FAM177A1: variants seen among roughly 807,000 people sequenced by gnomAD.
FAM177A1 encodes family with sequence similarity 177 member A1.
In FAM177A1, 22 loss-of-function variants were observed where a neutral mutation model predicts 26.1. The ratio of observed to expected loss-of-function variants is 0.84; its 90% CI spans 0.60 to 1.20. The LOEUF is 1.20. FAM177A1 is among the 50% of genes most tolerant of loss of function. The pLI is 0.00. For missense variants in FAM177A1, 296 were observed against 291.1 expected, an observed-to-expected ratio of 1.02 and a Z score of -0.12; for synonymous variants, 95 against 99.3, an observed-to-expected ratio of 0.96 and a Z score of 0.26.
intron 1 of FAM177A1, among the ~76,000 whole-genome samples, chr14:35,052,763 GA>G (rs201117633): frequency 2.0e-5 from 3 of 151,082 alleles, no homozygotes; most frequent in East Asian, 1.9e-4. Flanking sequence ...TGTCCCTATA[GA>G]AAAAAAAATT....
At chr14:35,046,725 C>G in intron 1 of FAM177A1, 97 bp downstream of exon 1, 1 of 1,425,394 alleles carries the variant, frequency 7.0e-7, no homozygotes, top group Non-Finnish European at 9.2e-7. Flanking sequence ...GTCCTCCGAG[C>G]AGGCCGCCCC....
chr14:35,045,425 T>G (rs1005362720), upstream of FAM177A1, among the ~76,000 whole-genome samples: 10 of 152,184 alleles, frequency 6.6e-5, no homozygotes, highest in African/African-American at 2.2e-4. Flanking sequence ...GAAAGGAATA[T>G]TTAATATTTG....
intron 2 of FAM177A1, among the ~76,000 whole-genome samples, chr14:35,065,272 A>G (rs1449678806): frequency 1.3e-5 from 2 of 151,214 alleles, no homozygotes; most frequent in African/African-American, 4.9e-5. Flanking sequence ...CTTGGAGGGA[A>G]ACTTTAAATA....
intron 2 of FAM177A1, among the ~76,000 whole-genome samples, chr14:35,058,307 G>A (rs1308302755): frequency 6.6e-6 from 1 of 151,890 alleles, no homozygotes; most frequent in Admixed American, 6.6e-5. Flanking sequence ...CTCATGATCC[G>A]CCCACCTTGG....
chr14:35,075,244 A>G (rs180855358), intron 2 of FAM177A1, among the ~76,000 whole-genome samples: 236 of 152,296 alleles, frequency 1.5e-3, no homozygotes, highest in African/African-American at 5.4e-3. Flanking sequence ...TGCATTGTGG[A>G]TTGCATTCTG....
In FAM177A1 at chr14:35,081,891, CTACT is replaced by C. The variant is rs2045489668; in HGVS notation, c.*666_*669del. 2 of 152,172 alleles carry C rather than the reference CTACT, an allele frequency of 1.3e-5. No homozygotes were observed. Among genetic ancestry groups the C allele is most frequent in the Admixed American group, 1.3e-4 (2 of 15,254 alleles). The allele number at this position is 152,172 out of a possible 1,614,324, so 9.4% of individuals were successfully genotyped here. A position where few individuals can be genotyped will look rare whatever the true frequency, so the allele number is the denominator to read the frequency against. ...TAGCTTTGAACATAATATTAAAACA[CTACT>C]TATAGAATAGATTTATTAATGTTAA... is the stretch of plus-strand genomic sequence containing the variant. On this transcript the variant is annotated 3_prime_UTR_variant, in exon 5 of 5. Transcript: ENST00000280987.
intron 1 of FAM177A1, chr14:35,050,406 A>AT (rs1397743267): frequency 6.6e-6 from 1 of 152,142 alleles, no homozygotes; most frequent in Non-Finnish European, 1.5e-5. Flanking sequence ...ATTATTGGGA[A>AT]TTTTGTATCA....
intron 2 of FAM177A1, among the ~76,000 whole-genome samples, chr14:35,061,562 A>T (rs374073789): frequency 3.7e-5 from 4 of 107,384 alleles, no homozygotes; most frequent in African/African-American, 1.6e-4. Flanking sequence ...GAATTGAACA[A>T]TGAGAACACA....
chr14:35,071,989 A>G (rs2045328274), intron 2 of FAM177A1, among the ~76,000 whole-genome samples: 1 of 152,084 alleles, frequency 6.6e-6, no homozygotes, highest in Non-Finnish European at 1.5e-5. Flanking sequence ...TAGAAAAGAA[A>G]ATGTTGGCTA....
chr14:35,080,891 C>T (rs2045470558), intron 4 of FAM177A1, 131 bp from the exon 5 acceptor site: 3 of 1,310,610 alleles, frequency 2.3e-6, no homozygotes, highest in Non-Finnish European at 3.0e-6. Context: ...TTAATTAGAC[C>T]AAACTGATTT....
intron 2 of FAM177A1, among the ~76,000 whole-genome samples, chr14:35,070,842 A>G (rs2045310049): frequency 6.6e-6 from 1 of 152,160 alleles, no homozygotes; most frequent in Non-Finnish European, 1.5e-5. Flanking sequence ...AAAATAGGAT[A>G]GAGAAAATAT....
At chr14:35,058,096 A>C (rs991591731) in intron 2 of FAM177A1, among the ~76,000 whole-genome samples, 10 of 151,890 alleles carry the variant, frequency 6.6e-5, no homozygotes, top group African/African-American at 2.4e-4. Flanking sequence ...TTTTCGAGAC[A>C]GAGTTTCACT....
chr14:35,063,159 CAA>C (rs1247353359), intron 2 of FAM177A1, among the ~76,000 whole-genome samples: 27 of 57,858 alleles, frequency 4.7e-4, no homozygotes, highest in Admixed American at 5.8e-4. Flanking sequence ...GACTCCATCT[CAA>C]AAAAAAAAAA....
chr14:35,073,465 A>G (rs531030529), intron 2 of FAM177A1, among the ~76,000 whole-genome samples: 2 of 152,136 alleles, frequency 1.3e-5, no homozygotes, highest in Non-Finnish European at 2.9e-5. Flanking sequence ...AGGCTGAACT[A>G]GAGATGTTGT....
chr14:35,078,861 A>C, intron 3 of FAM177A1, 66 bp from the exon 4 acceptor site: 1 of 1,130,700 alleles, frequency 8.8e-7, no homozygotes, highest in Non-Finnish European at 1.2e-6. Context: ...ACAGTGTCTT[A>C]CACATAGAAA....
intron 3 of FAM177A1, among the ~76,000 whole-genome samples, chr14:35,077,820 T>C (rs1251115958): frequency 6.6e-6 from 1 of 152,210 alleles, no homozygotes; most frequent in Non-Finnish European, 1.5e-5. Context: ...GCTATTTTGC[T>C]GCTTTGTCAT....
chr14:35,046,288 G>C lies in FAM177A1; in HGVS notation c.-176G>C, dbSNP rs552432517. 5.9e-4 allele frequency: 405 copies of C among 691,742 alleles called. No homozygotes were observed. In the African/African-American group the frequency reaches 6.4e-3, roughly 11 times the overall value. The allele number at this position is 691,742 out of a possible 1,614,324, so 42.9% of individuals were successfully genotyped here. A position where few individuals can be genotyped will look rare whatever the true frequency, so the allele number is the denominator to read the frequency against. On this transcript the variant is annotated 5_prime_UTR_variant, in exon 1 of 5. Coordinates refer to ENST00000280987, the MANE Select transcript of FAM177A1 (RefSeq NM_173607.5). Reference sequence around the variant, plus strand: ...GCGCCTCCCAGACTGCAGTTGGCCAGCTCTCGGGGTGCGGAGCCCGGCGGG... The same window carrying C: ...GCGCCTCCCAGACTGCAGTTGGCCACCTCTCGGGGTGCGGAGCCCGGCGGG...
chr14:35,070,197 A>G (rs2045299737), intron 2 of FAM177A1, among the ~76,000 whole-genome samples: 1 of 146,972 alleles, frequency 6.8e-6, no homozygotes, highest in African/African-American at 2.5e-5. Flanking sequence ...AACTCACTTC[A>G]ATTTTACCTT....
intron 2 of FAM177A1, 81 bp from the exon 3 acceptor site, chr14:35,077,069 A>T: frequency 3.7e-6 from 4 of 1,067,140 alleles, no homozygotes; most frequent in Non-Finnish European, 5.8e-6. Flanking sequence ...GTGCCTACCA[A>T]GTATTTGACT....
Sources: gnomAD v4.1 joint callset for allele counts (sites outside exome capture counted in the v4.1 genomes callset) on GRCh38, gnomAD v4.1.1 for gene constraint, MANE v1.5 for transcripts, NCBI Gene and HGNC (gene_info 2026-07-23, HGNC 2026-07-21) for gene names.